COG3: variants seen among roughly 807,000 people sequenced by gnomAD.
COG3 encodes the protein component of oligomeric golgi complex 3, also known as conserved oligomeric Golgi complex subunit 3.
In COG3, 32 loss-of-function variants were observed where a neutral mutation model predicts 114.1. The observed-to-expected ratio is 0.28, with a 90% CI of 0.21 to 0.38. COG3 has a LOEUF of 0.38. COG3 is among the 10% of genes least tolerant of loss of function. The pLI is 1.00. For missense variants in COG3, 813 were observed against 973.2 expected (o/e 0.84, Z 2.19); for synonymous variants, 352 against 365.7 (o/e 0.96, Z 0.43).
At chr13:45,483,522 A>G (rs78119393) in intron 7 of COG3, among the ~76,000 whole-genome samples, 167 bp downstream of exon 7, 2,445 of 152,314 alleles carry the variant, frequency 0.016, 26 homozygotes, top group South Asian at 0.043. Flanking sequence ...AAAAATGACT[A>G]TGTTATAAAT....
intron 10 of COG3, among the ~76,000 whole-genome samples, 178 bp downstream of exon 10, chr13:45,491,716 C>A (rs1212499150): frequency 6.6e-6 from 1 of 152,090 alleles, no homozygotes; most frequent in African/African-American, 2.4e-5. Context: ...AAAATATTCT[C>A]ATTTTTTACT....
Position 45,480,179 on chromosome 13 carries a change from T to A in COG3, c.438T>A (p.Asn146Lys). The A allele has an allele frequency of 6.2e-7, 1 of 1,613,738 alleles. No individual in the cohort carries two copies. The highest frequency in any genetic ancestry group is 8.5e-7 in the Non-Finnish European group (1 of 1,179,730). ...AGGAGCAGTGTGATGCTATATTGAA[T>A]GATGTAAACAGTGCTCTTCAGCATC... The part of the protein sequence containing the change: ...GFQEQCDAIL[N>K]DVNSALQHLE... The change falls in exon 4 of 23, where the codon AAT becomes AAA. Residue 146 changes from asparagine (N) to lysine (K), a missense_variant. By Grantham distance (94) the Asn-to-Lys change is moderately conservative. Transcript: ENST00000349995.
rs1257520981 is a variant in COG3 at position 45,493,282 on chromosome 13, T to A, written c.1188-65T>A. 4 of 1,341,568 alleles carry A rather than the reference T, an allele frequency of 3.0e-6. No homozygotes were observed. In the African/African-American group the frequency reaches 5.8e-5, roughly 20 times the overall value. 83.1% of individuals were successfully genotyped at this position (1,341,568 alleles called of 1,614,324 possible). On this transcript the variant is annotated intron_variant, in intron 11 of 22. Transcript: ENST00000349995. ...TTGACTGGAAGAAATCAATGAGGAT[T>A]TCTAAATTATTACAAAATCCTGAAA...
intron 22 of COG3, chr13:45,531,037 T>G (rs541227555): frequency 9.4e-7 from 1 of 1,068,632 alleles, no homozygotes; most frequent in East Asian, 5.9e-5. Flanking sequence ...TTTAAGAGAA[T>G]GACCTGTTTG....
intron 16 of COG3, among the ~76,000 whole-genome samples, chr13:45,512,884 G>T (rs1159302191): frequency 1.3e-5 from 2 of 152,034 alleles, no homozygotes. Context: ...CAAAGTGCTG[G>T]GATTACAGGT....
chr13:45,503,956 G>T (rs1869833706), intron 14 of COG3, among the ~76,000 whole-genome samples: 1 of 152,112 alleles, frequency 6.6e-6, no homozygotes, highest in African/African-American at 2.4e-5. Context: ...TGACACAGTT[G>T]TATGGGATGG....
intron 22 of COG3, among the ~76,000 whole-genome samples, chr13:45,533,513 T>C (rs757416525): frequency 3.3e-5 from 5 of 152,170 alleles, no homozygotes; most frequent in African/African-American, 4.8e-5. Context: ...TACTGCTAAA[T>C]ACTTCAGAGT....
chr13:45,509,063 G>A (rs1401618948), intron 14 of COG3, among the ~76,000 whole-genome samples: 4 of 148,188 alleles, frequency 2.7e-5, no homozygotes, highest in African/African-American at 2.5e-5. Context: ...TTTTTGAGAC[G>A]GAGTCTCACT....
At chr13:45,486,737 T>C (rs1886693146) in intron 8 of COG3, among the ~76,000 whole-genome samples, 162 bp downstream of exon 8, 1 of 152,218 alleles carries the variant, frequency 6.6e-6, no homozygotes. Context: ...TAGTGTTGTG[T>C]CTAGGTTCTT....
chr13:45,527,925 C>G (rs572810226), intron 20 of COG3, among the ~76,000 whole-genome samples: 6 of 152,266 alleles, frequency 3.9e-5, no homozygotes, highest in African/African-American at 1.2e-4. Context: ...GCAACTCCAT[C>G]TCGAGAGAGA....
intron 7 of COG3, among the ~76,000 whole-genome samples, chr13:45,484,341 T>C (rs560109117): frequency 2.6e-4 from 40 of 152,242 alleles, no homozygotes; most frequent in African/African-American, 9.4e-4. Context: ...CACCAAACCT[T>C]TAGGAGTTTA....
intron 21 of COG3, among the ~76,000 whole-genome samples, chr13:45,530,208 A>G (rs1403669358): frequency 2.0e-5 from 3 of 152,214 alleles, no homozygotes; most frequent in African/African-American, 7.2e-5. Flanking sequence ...CCAGCTCTCA[A>G]GAGAGCAGCA....
In COG3 at chr13:45,536,023, C is replaced by A. The variant is rs114958509; in HGVS notation, c.*1292C>A. ...GGCAGCACTTCTGCAGGGTGCATAC[C>A]CTGATTGTTGTCATTTGTAACAGGT... is the stretch of plus-strand genomic sequence containing the variant. On this transcript the variant is annotated 3_prime_UTR_variant, in exon 23 of 23. Coordinates refer to ENST00000349995, the MANE Select transcript of COG3 (RefSeq NM_031431.4). 4.9e-3 allele frequency: 1,056 copies of A among 216,564 alleles called. 12 individuals are homozygous for A. The highest frequency in any genetic ancestry group is 0.024 in the African/African-American group (1,009 of 42,662). The allele number at this position is 216,564 out of a possible 1,614,324, so 13.4% of individuals were successfully genotyped here.
At chr13:45,524,620 G>C (rs565970439) in intron 19 of COG3, among the ~76,000 whole-genome samples, 3 of 152,150 alleles carry the variant, frequency 2.0e-5, no homozygotes, top group Non-Finnish European at 4.4e-5. Context: ...TAATATTGAC[G>C]TAACAGTCCC....
At chr13:45,533,441 C>G (rs1873343486) in intron 22 of COG3, among the ~76,000 whole-genome samples, 1 of 152,060 alleles carries the variant, frequency 6.6e-6, no homozygotes, top group Non-Finnish European at 1.5e-5. Context: ...TTTTCCCTTC[C>G]CTGTCCCTGA....
chr13:45,478,797 G>C (rs7323468), intron 2 of COG3, among the ~76,000 whole-genome samples: 2 of 152,164 alleles, frequency 1.3e-5, no homozygotes, highest in Non-Finnish European at 2.9e-5. Context: ...TGAAATGGCC[G>C]ATGTTTTAAT....
At chr13:45,528,643 T>G (rs956793827) in intron 20 of COG3, among the ~76,000 whole-genome samples, 1 of 152,222 alleles carries the variant, frequency 6.6e-6, no homozygotes, top group Non-Finnish European at 1.5e-5. Context: ...ATGTGGACTT[T>G]AAAAATGTTA....
intron 22 of COG3, 37 bp from the exon 23 acceptor site, chr13:45,534,665 T>C (rs774452081): frequency 1.3e-6 from 2 of 1,485,834 alleles, no homozygotes; most frequent in African/African-American, 1.4e-5. Flanking sequence ...CGGTATTCCA[T>C]AGGAGAACTA....
intron 1 of COG3, among the ~76,000 whole-genome samples, chr13:45,473,220 G>A (rs893489420): frequency 2.0e-5 from 3 of 152,048 alleles, no homozygotes; most frequent in Non-Finnish European, 4.4e-5. Flanking sequence ...TTTGCCACAG[G>A]TGAGCCAGTG....
Sources: allele counts gnomAD v4.1 joint callset (sites outside exome capture counted in the v4.1 genomes callset), GRCh38; gene constraint gnomAD v4.1.1; transcripts MANE v1.5; gene names NCBI Gene and HGNC (gene_info 2026-07-23, HGNC 2026-07-21).